Variants in PRKCB observed in about 807,000 individuals in gnomAD.
PRKCB encodes protein kinase C beta.
PRKCB carries 13 observed loss-of-function variants against 81.5 expected under a neutral mutation model. That is an observed-to-expected ratio of 0.16 (90% confidence interval 0.10 to 0.25). The LOEUF (loss-of-function observed/expected upper bound fraction) is 0.25. PRKCB is among the 10% of genes least tolerant of loss of function. The pLI, the probability that PRKCB is intolerant of heterozygous loss-of-function variation, is 1.00. For synonymous variants in PRKCB, 335 were observed against 321.4 expected, an observed-to-expected ratio of 1.04 and a Z score of -0.45; for missense variants, 509 against 875.7, an observed-to-expected ratio of 0.58 and a Z score of 5.29.
chr16:23,916,546 ACT>A (rs908816936), intron 2 of PRKCB, among the ~76,000 whole-genome samples: 20 of 152,036 alleles, frequency 1.3e-4, no homozygotes, highest in African/African-American at 3.1e-4. Flanking sequence ...CCCTTAGGCC[ACT>A]CTGTTCACCT....
chr16:23,935,893 T>G (rs555330191), intron 2 of PRKCB, among the ~76,000 whole-genome samples: 43 of 152,220 alleles, frequency 2.8e-4, no homozygotes, highest in Middle Eastern at 3.4e-3. Flanking sequence ...AGGGGTGGGT[T>G]TAAAAACTAC....
intron 9 of PRKCB, among the ~76,000 whole-genome samples, chr16:24,134,983 G>A (rs1424357318): frequency 2.0e-5 from 3 of 151,690 alleles, no homozygotes; most frequent in Non-Finnish European, 2.9e-5. Flanking sequence ...AGCAAAAAAT[G>A]GTATCTCATG....
intron 5 of PRKCB, 122 bp downstream of exon 5, chr16:24,035,669 G>T: frequency 9.2e-7 from 1 of 1,088,276 alleles, no homozygotes; most frequent in Admixed American, 2.5e-5. Context: ...GGACGGGGAG[G>T]GGGTGTGGCA....
chr16:24,137,934 C>G (rs185954870), intron 9 of PRKCB, among the ~76,000 whole-genome samples: 1 of 152,162 alleles, frequency 6.6e-6, no homozygotes, highest in Non-Finnish European at 1.5e-5. Context: ...CATTGAACAC[C>G]ACTGCGGAGA....
chr16:24,052,074 C>CA (rs71154271), intron 5 of PRKCB, among the ~76,000 whole-genome samples: 6,697 of 91,028 alleles, frequency 0.074, 483 homozygotes, highest in African/African-American at 0.21. Flanking sequence ...GACTCCGTCT[C>CA]AAAAAAAAAA....
At position 23,891,805 on chromosome 16, in the gene PRKCB, T is replaced by C. The variant is rs116451399; in HGVS notation, c.205+54399T>C. ...TAATGAAGCCACTTGTGAAAGATAATGTGACATGTTTGTCCATCACATTGA... is the reference window on the plus strand; with the variant it reads ...TAATGAAGCCACTTGTGAAAGATAACGTGACATGTTTGTCCATCACATTGA... On this transcript the variant is annotated intron_variant, in intron 2 of 16. Transcript: ENST00000643927. Among the ~76,000 whole-genome samples, 428 of 152,314 alleles carry C rather than the reference T, an allele frequency of 2.8e-3. 3 individuals carry two copies. Among genetic ancestry groups the C allele is most frequent in the African/African-American group, 9.7e-3 (403 of 41,566 alleles).
intron 5 of PRKCB, among the ~76,000 whole-genome samples, chr16:24,046,901 A>G (rs145481375): frequency 6.6e-6 from 1 of 152,326 alleles, no homozygotes; most frequent in African/African-American, 2.4e-5. Flanking sequence ...ACAAAGGAGA[A>G]AACAGAGCCT....
intron 5 of PRKCB, among the ~76,000 whole-genome samples, chr16:24,041,685 C>A (rs1346677296): frequency 1.3e-5 from 2 of 152,066 alleles, no homozygotes; most frequent in East Asian, 3.9e-4. Flanking sequence ...GACATCCACA[C>A]ATCAAAAGAA....
chr16:24,039,218 T>C (rs1965666166), intron 5 of PRKCB, among the ~76,000 whole-genome samples: 1 of 151,958 alleles, frequency 6.6e-6, no homozygotes, highest in African/African-American at 2.4e-5. Context: ...ATAAATGTCT[T>C]TTTTTCTTTT....
chr16:24,023,094 T>A (rs1965427545), intron 3 of PRKCB, among the ~76,000 whole-genome samples: 1 of 151,680 alleles, frequency 6.6e-6, no homozygotes, highest in Non-Finnish European at 1.5e-5. Flanking sequence ...TGAGTCAGAG[T>A]TTCTCTCTGT....
chr16:24,061,294 C>T (rs566696828), intron 5 of PRKCB, among the ~76,000 whole-genome samples: 2 of 152,306 alleles, frequency 1.3e-5, no homozygotes, highest in South Asian at 4.1e-4. Flanking sequence ...CTCCTGAGCT[C>T]AAGTGATCTG....
rs1223834053 is a variant in PRKCB, at chr16:24,215,204, T to C, written c.*388T>C. 9.9e-7 allele frequency: 1 copy of C among 1,008,510 alleles called. No homozygotes were observed. The highest frequency in any genetic ancestry group is 1.2e-6 in the Non-Finnish European group (1 of 843,534). 62.5% of individuals were successfully genotyped at this position (1,008,510 alleles called of 1,614,324 possible). ...TGGATGTTAGCGGTACTCTTCCACT[T>C]CCGGGCCTGGAGCTTGGCTTGTATC... On this transcript the variant is annotated 3_prime_UTR_variant, in exon 17 of 17. Transcript: ENST00000643927.
intron 5 of PRKCB, among the ~76,000 whole-genome samples, chr16:24,074,839 G>T (rs1422003647): frequency 6.6e-6 from 1 of 152,236 alleles, no homozygotes; most frequent in East Asian, 1.9e-4. Context: ...TTAAATTAAC[G>T]AGCTTGGCCT....
At chr16:24,055,363 G>A (rs1303506981) in intron 5 of PRKCB, among the ~76,000 whole-genome samples, 1 of 152,208 alleles carries the variant, frequency 6.6e-6, no homozygotes, top group African/African-American at 2.4e-5. Context: ...AAGCACTAGG[G>A]AAGGAAGGGA....
rs771894423 is a variant in PRKCB, at chr16:23,977,013, G to A, written c.206-11495G>A. On this transcript the variant is annotated intron_variant, in intron 2 of 16. Coordinates refer to ENST00000643927, the MANE Select transcript of PRKCB (RefSeq NM_002738.7). ...ATTATAAAGGAAAACAGTCTTTTCC[G>A]GCAGTTGCTGACCACTGCAAAATTA... 5.9e-5 allele frequency among the ~76,000 whole-genome samples: 9 copies of A among 152,024 alleles called. No individual in the cohort carries two copies. In the South Asian group the frequency reaches 8.3e-4, roughly 14 times the overall value.
chr16:23,861,665 G>T (rs900549689), intron 2 of PRKCB, among the ~76,000 whole-genome samples: 13 of 152,170 alleles, frequency 8.5e-5, no homozygotes, highest in African/African-American at 2.4e-4. Context: ...TACTCACAGG[G>T]CAAAGCAGGA....
At chr16:23,935,923 C>A (rs1163389529) in intron 2 of PRKCB, among the ~76,000 whole-genome samples, 1 of 152,236 alleles carries the variant, frequency 6.6e-6, no homozygotes, top group Non-Finnish European at 1.5e-5. Context: ...ACTGTGCTCA[C>A]TGCCAGGGTG....
rs193127778 is a variant in PRKCB at position 24,052,574 on chromosome 16, G to A, written c.529+17027G>A. On this transcript the variant is annotated intron_variant, in intron 5 of 16. Coordinates refer to ENST00000643927, the MANE Select transcript of PRKCB (RefSeq NM_002738.7). Reference sequence around the variant, plus strand: ...TCATGAGTTTTCTGGGAAAGGGGTGGCAGATTCCCAGAACTGAGGATTCCT... The same window carrying A: ...TCATGAGTTTTCTGGGAAAGGGGTGACAGATTCCCAGAACTGAGGATTCCT... 1.0e-3 allele frequency among the ~76,000 whole-genome samples: 156 copies of A among 152,250 alleles called. No homozygotes were observed. In the East Asian group the frequency reaches 0.015, roughly 15 times the overall value.
rs1567311221 is a variant in PRKCB, at chr16:23,911,825, C to CTTTTTTTTTTTTTTTTT, written c.205+74419_205+74420insTTTTTTTTTTTTTTTTT. On this transcript the variant is annotated intron_variant, in intron 2 of 16. Coordinates refer to ENST00000643927, the MANE Select transcript of PRKCB (RefSeq NM_002738.7). ...CTTGTCCTGGGATATGCGCGACCCA[C>CTTTTTTTTTTTTTTTTT]ATTTTTTTTTTTTTTTTTTTTTTTT... Among the ~76,000 whole-genome samples, 15 of 126,370 alleles carry CTTTTTTTTTTTTTTTTT rather than the reference C, an allele frequency of 1.2e-4. 6 individuals carry two copies. Among genetic ancestry groups the CTTTTTTTTTTTTTTTTT allele is most frequent in the Non-Finnish European group, 1.8e-4 (11 of 61,702 alleles). 82.9% of individuals were successfully genotyped at this position (126,370 alleles called of 152,430 possible).
Sources: allele counts gnomAD v4.1 joint callset (sites outside exome capture counted in the v4.1 genomes callset), GRCh38; gene constraint gnomAD v4.1.1; transcripts MANE v1.5; gene names NCBI Gene and HGNC (gene_info 2026-07-23, HGNC 2026-07-21).